The following CAPN7 variants were observed in gnomAD, a reference collection of about 807,000 sequenced individuals.
The protein encoded by CAPN7 is calpain 7.
CAPN7 carries 72 observed loss-of-function variants against 115.2 expected under a neutral mutation model. The observed-to-expected ratio is 0.63, with a 90% CI of 0.52 to 0.76. CAPN7 has a LOEUF of 0.76. CAPN7 is among the 30% of genes least tolerant of loss of function. The pLI is 0.00. For synonymous variants in CAPN7, 344 were observed against 322.3 expected (o/e 1.07, Z -0.72); for missense variants, 905 against 971.5 (o/e 0.93, Z 0.91).
At chr3:15,208,453 ATTTT>A (rs1218217326) in intron 1 of CAPN7, among the ~76,000 whole-genome samples, 2 of 126,150 alleles carry the variant, frequency 1.6e-5, no homozygotes, top group Non-Finnish European at 1.7e-5. Flanking sequence ...CACTTGGCTA[ATTTT>A]TTTTTTTTTT....
At chr3:15,207,310 A>G (rs1444976224) in intron 1 of CAPN7, among the ~76,000 whole-genome samples, 1 of 152,198 alleles carries the variant, frequency 6.6e-6, no homozygotes, top group African/African-American at 2.4e-5. Context: ...AAAAAAAAAT[A>G]CTACACCAGT....
intron 6 of CAPN7, among the ~76,000 whole-genome samples, chr3:15,226,407 G>A (rs568833239): frequency 9.9e-5 from 15 of 152,150 alleles, no homozygotes; most frequent in Admixed American, 2.0e-4. Context: ...AGTTCTGAGG[G>A]AAAAAACCTT....
intron 6 of CAPN7, among the ~76,000 whole-genome samples, 177 bp downstream of exon 6, chr3:15,223,738 C>T (rs1369480763): frequency 6.6e-6 from 1 of 152,172 alleles, no homozygotes; most frequent in Non-Finnish European, 1.5e-5. Context: ...TTTGCCCAGT[C>T]ATGAGGACAT....
At chr3:15,222,735 G>A (rs1269608536) in intron 5 of CAPN7, among the ~76,000 whole-genome samples, 1 of 152,156 alleles carries the variant, frequency 6.6e-6, no homozygotes, top group East Asian at 1.9e-4. Flanking sequence ...CTAACAAAAT[G>A]CAGCTATCCT....
rs1348546403 is a variant in CAPN7 at position 15,206,413 on chromosome 3, G to A, written c.-83G>A. On this transcript the variant is annotated 5_prime_UTR_variant, in exon 1 of 21. Coordinates refer to ENST00000253693, the MANE Select transcript of CAPN7 (RefSeq NM_014296.3). ...CCTTCCGCGGCGCTCCCGAGTCCTC[G>A]CCGCCGCCGGGCCGCCGCAGTCCGC... The A allele has an allele frequency of 6.5e-6, 7 of 1,071,526 alleles. No individual in the cohort carries two copies. Among genetic ancestry groups the A allele is most frequent in the South Asian group, 2.9e-5 (2 of 68,380 alleles). The allele number at this position is 1,071,526 out of a possible 1,614,324, so 66.4% of individuals were successfully genotyped here. A position where few individuals can be genotyped will look rare whatever the true frequency, so the allele number is the denominator to read the frequency against.
Position 15,232,666 on chromosome 3 carries a change from G to GT in CAPN7, c.1179+2dup. The GT allele has an allele frequency of 6.2e-7, 1 of 1,602,754 alleles. No individual in the cohort carries two copies. The highest frequency in any genetic ancestry group is 8.5e-7 in the Non-Finnish European group (1 of 1,175,664). ...ATATGATTTTCCAGGATCCAACTCC[G>GT]TAAGTAATAGATAAGACGATCCAGA... On this transcript the variant is annotated splice_donor_variant, in intron 10 of 20. Coordinates refer to ENST00000253693, the MANE Select transcript of CAPN7 (RefSeq NM_014296.3). LOFTEE classifies it high-confidence loss of function.
rs868328804 is a variant in CAPN7, at chr3:15,206,538, C to T, written c.43C>T (p.Arg15Cys). Residue 15 changes from arginine (R) to cysteine (C), a missense_variant, in exon 1 of 21, where the codon CGT becomes TGT. Physicochemically the swap from Arg to Cys is radical, Grantham distance 180. Transcript: ENST00000253693. ...ALERDAVQFA[R>C]LAVQRDHEGR... ...GGAGCGGGACGCTGTGCAGTTCGCC[C>T]GTCTGGCGGTTCAGCGCGACCACGA... The T allele has an allele frequency of 3.2e-6, 5 of 1,556,402 alleles. No homozygotes were observed. Among genetic ancestry groups the T allele is most frequent in the Admixed American group, 1.9e-5 (1 of 51,602 alleles).
intron 12 of CAPN7, among the ~76,000 whole-genome samples, chr3:15,238,092 TATTTA>T (rs1271729588): frequency 6.6e-6 from 1 of 150,926 alleles, no homozygotes; most frequent in African/African-American, 2.4e-5. Context: ...TTGAAGTGTT[TATTTA>T]ATTCTGACTT....
chr3:15,250,838 C>A, intron 19 of CAPN7, 93 bp from the exon 20 acceptor site: 1 of 845,542 alleles, frequency 1.2e-6, no homozygotes, highest in Non-Finnish European at 1.9e-6. Context: ...GAAACATAAA[C>A]TTAGTATGAC....
rs1188410304 is a variant in CAPN7, at chr3:15,251,293, T to C, written c.*33T>C. On this transcript the variant is annotated 3_prime_UTR_variant, in exon 21 of 21. Transcript: ENST00000253693. ...ATCTCAAGTTACTGGCTTTTATACT[T>C]ACCAAACATCAGTTCTTCAAATAAG... 3.3e-6 allele frequency: 5 copies of C among 1,535,626 alleles called. No homozygotes were observed. Among genetic ancestry groups the C allele is most frequent in the Admixed American group, 4.4e-5 (2 of 45,958 alleles).
At chr3:15,226,622 T>C (rs1441025014) in intron 6 of CAPN7, among the ~76,000 whole-genome samples, 3 of 152,196 alleles carry the variant, frequency 2.0e-5, no homozygotes, top group African/African-American at 4.8e-5. Flanking sequence ...GCTCCTGGTA[T>C]TATACAGGTA....
At chr3:15,230,779 T>G (rs940428354) in intron 9 of CAPN7, among the ~76,000 whole-genome samples, 3 of 152,196 alleles carry the variant, frequency 2.0e-5, no homozygotes, top group Non-Finnish European at 4.4e-5. Flanking sequence ...AAAGTAACGT[T>G]CAACTAAGGA....
chr3:15,238,828 T>C lies in CAPN7; in HGVS notation c.1408-1645T>C, dbSNP rs929304608. 2.0e-5 allele frequency among the ~76,000 whole-genome samples: 3 copies of C among 151,766 alleles called. No homozygotes were observed. In the East Asian group the frequency reaches 5.8e-4, roughly 29 times the overall value. ...GCTACTTGGAAATAACTTTAGAAATTGGATGCTTCAGCAAAATCAAATTTT... is the reference window on the plus strand; with the variant it reads ...GCTACTTGGAAATAACTTTAGAAATCGGATGCTTCAGCAAAATCAAATTTT... On this transcript the variant is annotated intron_variant, in intron 12 of 20. Transcript: ENST00000253693.
intron 14 of CAPN7, 102 bp from the exon 15 acceptor site, chr3:15,241,351 A>G: frequency 4.0e-6 from 5 of 1,257,922 alleles, no homozygotes; most frequent in Non-Finnish European, 5.5e-6. Context: ...AGTAAAACAA[A>G]ACCAAAAACT....
At chr3:15,247,219 C>CA in intron 18 of CAPN7, 108 bp from the exon 19 acceptor site, 9 of 809,146 alleles carry the variant, frequency 1.1e-5, no homozygotes, top group Non-Finnish European at 1.5e-5. Flanking sequence ...GTTGGAGACA[C>CA]AGAGTGGAAA....
intron 12 of CAPN7, among the ~76,000 whole-genome samples, chr3:15,237,301 G>T (rs1695049284): frequency 6.6e-6 from 1 of 152,042 alleles, no homozygotes; most frequent in African/African-American, 2.4e-5. Context: ...CATTAGCCTA[G>T]GCCCACATGG....
chr3:15,226,293 C>G (rs2124937735), intron 6 of CAPN7, among the ~76,000 whole-genome samples: 1 of 152,174 alleles, frequency 6.6e-6, no homozygotes, highest in East Asian at 1.9e-4. Flanking sequence ...AGGCTGGTCT[C>G]AAACTCCTGA....
intron 4 of CAPN7, among the ~76,000 whole-genome samples, chr3:15,220,205 A>T (rs562272555): frequency 5.3e-5 from 8 of 152,302 alleles, no homozygotes; most frequent in African/African-American, 1.4e-4. Flanking sequence ...GTCTCAAAAA[A>T]AAAAATAAAA....
rs760272787 is a variant in CAPN7 at position 15,241,503 on chromosome 3, A to G, written c.1703A>G (p.Asn568Ser). 3.7e-6 allele frequency: 6 copies of G among 1,614,116 alleles called. No individual in the cohort carries two copies. Among genetic ancestry groups the G allele is most frequent in the South Asian group, 3.3e-5 (3 of 91,076 alleles). Residue 568 changes from asparagine to serine, a missense_variant, in exon 15 of 21, where the codon AAC (asparagine) becomes AGC (serine). Physicochemically the swap from Asn to Ser is conservative, Grantham distance 46. Transcript: ENST00000253693. ...GPVKDAYSLA[N>S]NPQYKLEVQC... ...GTGAAAGATGCCTATAGCCTGGCCAACAACCCCCAGTACAAACTGGAGGTG... is the reference window on the plus strand; with the variant it reads ...GTGAAAGATGCCTATAGCCTGGCCAGCAACCCCCAGTACAAACTGGAGGTG...
Sources: allele counts gnomAD v4.1 joint callset (sites outside exome capture counted in the v4.1 genomes callset), GRCh38; gene constraint gnomAD v4.1.1; transcripts MANE v1.5; gene names NCBI Gene and HGNC (gene_info 2026-07-23, HGNC 2026-07-21).